ASPH: variants seen among roughly 807,000 people sequenced by gnomAD.
The protein encoded by ASPH is aspartate beta-hydroxylase, also known as aspartyl/asparaginyl beta-hydroxylase.
ASPH carries 100 observed loss-of-function variants against 118.4 expected under a neutral mutation model. The ratio of observed to expected loss-of-function variants is 0.84; its 90% CI spans 0.72 to 1.00. ASPH has a LOEUF of 1.00. ASPH is among the 50% of genes least tolerant of loss of function. The pLI is 0.00. For missense variants in ASPH, 920 were observed against 919.5 expected, an observed-to-expected ratio of 1.00 and a Z score of -0.01; for synonymous variants, 315 against 325.6, an observed-to-expected ratio of 0.97 and a Z score of 0.35.
rs775523503 is a variant in ASPH at position 61,577,399 on chromosome 8, C to CAAAAAAAAAAA, written c.1063-552_1063-542dup. On this transcript the variant is annotated intron_variant, in intron 15 of 24. Coordinates refer to ENST00000379454, the MANE Select transcript of ASPH (RefSeq NM_004318.4). Reference sequence around the variant, plus strand: ...AAAATGGCAAGGATGCCCAATCTCGCAAAAAAAAAAAAAAAAAAAAAAAAG... The same window carrying CAAAAAAAAAAA: ...AAAATGGCAAGGATGCCCAATCTCGCAAAAAAAAAAAAAAAAAAAAAAAAAAAAAAAAAAAG... Among the ~76,000 whole-genome samples the CAAAAAAAAAAA allele has an allele frequency of 1.5e-3, 35 of 23,278 alleles. 1 individual carries two copies. The highest frequency in any genetic ancestry group is 2.6e-3 in the African/African-American group (14 of 5,456). The allele number at this position is 23,278 out of a possible 152,430, so 15.3% of individuals were successfully genotyped here.
At chr8:61,681,647 G>A (rs1176072585) in intron 2 of ASPH, among the ~76,000 whole-genome samples, 5 of 151,598 alleles carry the variant, frequency 3.3e-5, no homozygotes, top group South Asian at 2.1e-4. Context: ...TGGAGGCTTC[G>A]GAAATTATAA....
chr8:61,682,281 G>A (rs1286042832), intron 2 of ASPH, among the ~76,000 whole-genome samples: 1 of 151,978 alleles, frequency 6.6e-6, no homozygotes, highest in Non-Finnish European at 1.5e-5. Flanking sequence ...TCAAGAAACA[G>A]TAAAAGATAG....
chr8:61,702,795 T>C (rs1384521986), intron 1 of ASPH, among the ~76,000 whole-genome samples: 1 of 152,170 alleles, frequency 6.6e-6, no homozygotes, highest in Non-Finnish European at 1.5e-5. Flanking sequence ...AATGTAAGGA[T>C]GGTTTTAAAT....
At chr8:61,655,344 C>T (rs780206147) in intron 3 of ASPH, among the ~76,000 whole-genome samples, 3 of 152,100 alleles carry the variant, frequency 2.0e-5, no homozygotes, top group African/African-American at 2.4e-5. Context: ...CTCCAGCATC[C>T]ACCATTTCAG....
At chr8:61,709,725 A>G (rs985041424) in intron 1 of ASPH, among the ~76,000 whole-genome samples, 18 of 152,252 alleles carry the variant, frequency 1.2e-4, no homozygotes, top group Admixed American at 7.2e-4. Context: ...ACTAAGCTGC[A>G]TATTTTCATG....
intron 12 of ASPH, among the ~76,000 whole-genome samples, chr8:61,634,088 CT>C (rs1856770686): frequency 6.6e-6 from 1 of 152,216 alleles, no homozygotes. Context: ...CTTATTTCTT[CT>C]TTAACATCAA....
At chr8:61,644,794 AG>A (rs1807053514) in intron 6 of ASPH, among the ~76,000 whole-genome samples, 162 bp from the exon 7 acceptor site, 1 of 152,204 alleles carries the variant, frequency 6.6e-6, no homozygotes, top group African/African-American at 2.4e-5. Flanking sequence ...ATATTTCACT[AG>A]AAGTACACTG....
chr8:61,520,899 C>T (rs1191256061), intron 22 of ASPH, among the ~76,000 whole-genome samples: 5 of 152,202 alleles, frequency 3.3e-5, no homozygotes, highest in Non-Finnish European at 7.3e-5. Flanking sequence ...GGTTGTGTCC[C>T]TGAGATTTTC....
rs190592588 is a variant in ASPH, at chr8:61,629,449, T to A, written c.934+4234A>T. 2.6e-4 allele frequency among the ~76,000 whole-genome samples: 39 copies of A among 152,276 alleles called. No homozygotes were observed. In the East Asian group the frequency reaches 7.1e-3, roughly 28 times the overall value. On this transcript the variant is annotated intron_variant, in intron 13 of 24. Transcript: ENST00000379454. ...TATGATTTCAAGGAAAACTATGAGT[T>A]TAAGGAGAAAGGTGAAAACCTGCTA... is the stretch of plus-strand genomic sequence containing the variant.
chr8:61,592,793 T>C (rs1470136871), intron 14 of ASPH, among the ~76,000 whole-genome samples: 2 of 152,212 alleles, frequency 1.3e-5, no homozygotes, highest in Non-Finnish European at 2.9e-5. Context: ...TTATTAGGAT[T>C]GGAAGCTAAT....
At chr8:61,552,595 A>G (rs1464254136) in intron 20 of ASPH, among the ~76,000 whole-genome samples, 2 of 152,228 alleles carry the variant, frequency 1.3e-5, no homozygotes, top group Non-Finnish European at 2.9e-5. Context: ...TCCAAAATAA[A>G]ACAAAAATGA....
At chr8:61,665,648 G>A (rs1440265908) in intron 3 of ASPH, 1 of 1,517,550 alleles carries the variant, frequency 6.6e-7, no homozygotes, top group Non-Finnish European at 8.8e-7. Flanking sequence ...TTTATTGACA[G>A]GATCTCTTAA....
rs1171514383 is a variant in ASPH, at chr8:61,501,765, T to A, written c.*1594A>T. ...CAAAACAAAAGAACAGGAAAAGTAT[T>A]TTGCAAACTCATCTACTGGAAGCTA... On this transcript the variant is annotated 3_prime_UTR_variant, in exon 25 of 25. Transcript: ENST00000379454. 2.0e-5 allele frequency: 3 copies of A among 152,166 alleles called. No homozygotes were observed. Among genetic ancestry groups the A allele is most frequent in the African/African-American group, 7.2e-5 (3 of 41,460 alleles). The allele number at this position is 152,166 out of a possible 1,614,324, so 9.4% of individuals were successfully genotyped here. A position where few individuals can be genotyped will look rare whatever the true frequency, so the allele number is the denominator to read the frequency against.
In ASPH at chr8:61,552,194, C is replaced by G. The variant is rs1304543590; in HGVS notation, c.1626+837G>C. Among the ~76,000 whole-genome samples, 3 of 152,186 alleles carry G rather than the reference C, an allele frequency of 2.0e-5. No homozygotes were observed. In the East Asian group the frequency reaches 5.8e-4, roughly 29 times the overall value. Reference sequence around the variant, plus strand: ...CACTTTACCCTTTTATCCACTGACTCTAAGGAGAGCCCAGCTCTCACCCCT... The same window carrying G: ...CACTTTACCCTTTTATCCACTGACTGTAAGGAGAGCCCAGCTCTCACCCCT... On this transcript the variant is annotated intron_variant, in intron 20 of 24. Transcript: ENST00000379454.
chr8:61,599,618 G>A (rs1207696953), intron 14 of ASPH, among the ~76,000 whole-genome samples: 1 of 151,810 alleles, frequency 6.6e-6, no homozygotes, highest in Non-Finnish European at 1.5e-5. Context: ...AACTACGAAG[G>A]ATCATCAGAG....
chr8:61,626,294 G>A (rs202015236), intron 13 of ASPH: 60 of 1,558,806 alleles, frequency 3.8e-5, no homozygotes, highest in Non-Finnish European at 2.3e-5. Flanking sequence ...CAAAAATAAG[G>A]GGAAATCTAA....
intron 21 of ASPH, among the ~76,000 whole-genome samples, chr8:61,544,192 C>A (rs1456535326): frequency 6.6e-6 from 1 of 152,170 alleles, no homozygotes; most frequent in Non-Finnish European, 1.5e-5. Context: ...GTTAAAATTA[C>A]CACCCCACAA....
intron 8 of ASPH, 51 bp from the exon 9 acceptor site, chr8:61,643,484 G>C (rs1373857173): frequency 1.1e-5 from 17 of 1,518,142 alleles, no homozygotes; most frequent in Non-Finnish European, 1.5e-5. Context: ...CAAACACATT[G>C]CCAGACAGCA....
At chr8:61,650,043 C>A (rs1450352795) in intron 5 of ASPH, among the ~76,000 whole-genome samples, 1 of 152,170 alleles carries the variant, frequency 6.6e-6, no homozygotes, top group Non-Finnish European at 1.5e-5. Context: ...TCTGACCCCC[C>A]TTCTGAGTAA....
Sources: gnomAD v4.1 joint callset for allele counts (sites outside exome capture counted in the v4.1 genomes callset) on GRCh38, gnomAD v4.1.1 for gene constraint, MANE v1.5 for transcripts, NCBI Gene and HGNC (gene_info 2026-07-23, HGNC 2026-07-21) for gene names.